KCNH1: variants seen among roughly 807,000 people sequenced by gnomAD.
KCNH1 encodes the protein voltage-gated delayed rectifier potassium channel KCNH1.
In KCNH1, 27 loss-of-function variants were observed where a neutral mutation model predicts 69.2. That is an observed-to-expected ratio of 0.39 (90% CI 0.29 to 0.54). The LOEUF is 0.54. Among genes scored for constraint, KCNH1 ranks in the 20% least tolerant of loss-of-function variants. The pLI is 0.68. For missense variants in KCNH1, 798 were observed against 1,261.6 expected (o/e 0.63, Z 5.57); for synonymous variants, 456 against 487.7 (o/e 0.93, Z 0.86).
chr1:210,821,417 G>C (rs998131345), intron 7 of KCNH1, among the ~76,000 whole-genome samples: 12 of 152,178 alleles, frequency 7.9e-5, no homozygotes, highest in African/African-American at 2.7e-4. Context: ...CACTTGGGAT[G>C]CCCCTGATCC....
chr1:210,856,139 T>C (rs2102473297), intron 7 of KCNH1, among the ~76,000 whole-genome samples: 1 of 152,288 alleles, frequency 6.6e-6, no homozygotes, highest in South Asian at 2.1e-4. Context: ...GCAGCTGCCA[T>C]CTAAAAACTC....
intron 4 of KCNH1, among the ~76,000 whole-genome samples, chr1:211,084,018 A>T (rs1354772580): frequency 7.9e-6 from 1 of 126,336 alleles, no homozygotes; most frequent in Non-Finnish European, 1.8e-5. Context: ...AAGAAGTGCC[A>T]GGCTTTAATA....
intron 3 of KCNH1, among the ~76,000 whole-genome samples, chr1:211,103,089 A>G (rs1219574332): frequency 6.6e-6 from 1 of 152,244 alleles, no homozygotes; most frequent in Non-Finnish European, 1.5e-5. Flanking sequence ...ACGCTTAATT[A>G]GGCACCCACT....
chr1:211,003,828 G>A (rs1272502683), intron 6 of KCNH1, among the ~76,000 whole-genome samples: 4 of 152,048 alleles, frequency 2.6e-5, no homozygotes, highest in Non-Finnish European at 4.4e-5. Flanking sequence ...GCAATTGGCC[G>A]GGTGCGGATA....
chr1:210,716,966 C>G (rs557859719), intron 10 of KCNH1, among the ~76,000 whole-genome samples: 1 of 152,304 alleles, frequency 6.6e-6, no homozygotes, highest in South Asian at 2.1e-4. Context: ...GCATACAGCA[C>G]TAAGTTGACT....
intron 7 of KCNH1, among the ~76,000 whole-genome samples, chr1:210,828,832 T>C (rs1685093846): frequency 6.6e-6 from 1 of 152,208 alleles, no homozygotes; most frequent in Admixed American, 6.5e-5. Context: ...CTCTGAGCCA[T>C]CCCCAGCTAA....
chr1:210,986,235 C>A (rs1688831390), intron 6 of KCNH1, among the ~76,000 whole-genome samples: 1 of 152,136 alleles, frequency 6.6e-6, no homozygotes, highest in Admixed American at 6.5e-5. Flanking sequence ...GCCTCTTTAT[C>A]CAATTTGCCA....
chr1:210,920,483 T>C (rs1162065062), intron 6 of KCNH1, among the ~76,000 whole-genome samples: 1 of 152,182 alleles, frequency 6.6e-6, no homozygotes, highest in Admixed American at 6.5e-5. Flanking sequence ...TAACATTTCA[T>C]CCAAATTATA....
At chr1:210,721,511 C>T (rs1682456227) in intron 10 of KCNH1, among the ~76,000 whole-genome samples, 1 of 152,150 alleles carries the variant, frequency 6.6e-6, no homozygotes, top group Non-Finnish European at 1.5e-5. Flanking sequence ...AAACCTGAGA[C>T]TCAACAGAAG....
chr1:210,917,144 T>C (rs999363253), intron 7 of KCNH1, among the ~76,000 whole-genome samples: 9 of 143,758 alleles, frequency 6.3e-5, no homozygotes, highest in Non-Finnish European at 1.2e-4. Flanking sequence ...AGACTGTGTC[T>C]CAAAAAGAGA....
chr1:210,882,157 C>T (rs1331675905), intron 7 of KCNH1, among the ~76,000 whole-genome samples: 2 of 152,072 alleles, frequency 1.3e-5, no homozygotes, highest in East Asian at 1.9e-4. Context: ...ATCTCTGTAC[C>T]TTCCACTCAA....
rs1691931207 is a variant in KCNH1 at position 211,134,096 on chromosome 1, G to C, written c.-151C>G. 1 of 594,326 alleles carries C rather than the reference G, an allele frequency of 1.7e-6. No individual in the cohort carries two copies. The highest frequency in any genetic ancestry group is 2.9e-6 in the Non-Finnish European group (1 of 346,312). 36.8% of individuals were successfully genotyped at this position (594,326 alleles called of 1,614,324 possible). A position where few individuals can be genotyped will look rare whatever the true frequency, so the allele number is the denominator to read the frequency against. On this transcript the variant is annotated 5_prime_UTR_variant, in exon 1 of 11. Coordinates refer to ENST00000271751, the MANE Select transcript of KCNH1 (RefSeq NM_172362.3). The surrounding 1 kb of genome is among the most constrained non-coding windows in gnomAD (Gnocchi z 5.7). ...GCAGGGCTGGCGGCTCCCTCTGGCT[G>C]CTACCCTCGCGCCCTCTTCGCGCCT...
rs1198014748 is a variant in KCNH1 at position 210,823,516 on chromosome 1, G to T, written c.1463-19350C>A. Among the ~76,000 whole-genome samples, 3 of 152,068 alleles carry T rather than the reference G, an allele frequency of 2.0e-5. No homozygotes were observed. In the East Asian group the frequency reaches 5.8e-4, roughly 29 times the overall value. Reference sequence around the variant, plus strand: ...TCTTACAGCACATGTTAATCCATTTGGACCTCTTTCTTGCTTAAAACCCTC... The same window carrying T: ...TCTTACAGCACATGTTAATCCATTTTGACCTCTTTCTTGCTTAAAACCCTC... On this transcript the variant is annotated intron_variant, in intron 7 of 10. Transcript: ENST00000271751.
intron 10 of KCNH1, among the ~76,000 whole-genome samples, chr1:210,720,268 T>C (rs969143529): frequency 2.1e-4 from 32 of 152,164 alleles, no homozygotes; most frequent in African/African-American, 6.5e-4. Flanking sequence ...GAAAGTGAGG[T>C]ATGGGAACGG....
chr1:210,752,030 A>T (rs1257951882), intron 10 of KCNH1, among the ~76,000 whole-genome samples: 1 of 152,142 alleles, frequency 6.6e-6, no homozygotes, highest in Non-Finnish European at 1.5e-5. Context: ...GAGGTAAGGT[A>T]GTGTGAAGGA....
intron 7 of KCNH1, among the ~76,000 whole-genome samples, chr1:210,867,993 C>A (rs1686151661): frequency 1.3e-5 from 2 of 151,948 alleles, no homozygotes; most frequent in Admixed American, 1.3e-4. Context: ...TTTGTGTGAA[C>A]ATATGTTTTC....
intron 6 of KCNH1, among the ~76,000 whole-genome samples, chr1:210,955,347 C>G: frequency 6.6e-6 from 1 of 152,166 alleles, no homozygotes; most frequent in Admixed American, 6.5e-5. Flanking sequence ...ATGCCTCCAG[C>G]TTTGTTCTTT....
chr1:210,737,320 T>C (rs944405006), intron 10 of KCNH1, among the ~76,000 whole-genome samples: 1 of 152,214 alleles, frequency 6.6e-6, no homozygotes, highest in African/African-American at 2.4e-5. Flanking sequence ...GGTAGATTTC[T>C]GTGGTCTGGG....
intron 7 of KCNH1, among the ~76,000 whole-genome samples, chr1:210,917,832 A>T (rs537112042): frequency 2.5e-4 from 38 of 152,330 alleles, no homozygotes; most frequent in African/African-American, 7.0e-4. Context: ...GTTAAGGCTG[A>T]AACAGTTCTA....
Sources: allele counts gnomAD v4.1 joint callset (sites outside exome capture counted in the v4.1 genomes callset), GRCh38; gene constraint gnomAD v4.1.1; non-coding constraint Gnocchi (gnomAD v3.1); transcripts MANE v1.5; gene names NCBI Gene and HGNC (gene_info 2026-07-23, HGNC 2026-07-21).